TMC7: variants seen among roughly 807,000 people sequenced by gnomAD.
The protein encoded by TMC7 is transmembrane channel-like protein 7.
Under a neutral mutation model 82.9 loss-of-function variants are expected in TMC7, and 54 were observed. The ratio of observed to expected loss-of-function variants is 0.65; its 90% confidence interval spans 0.52 to 0.82. TMC7 has a LOEUF of 0.82. TMC7 is among the 40% of genes least tolerant of loss of function. The pLI is 0.00. For synonymous variants in TMC7, 350 were observed against 337.9 expected (o/e 1.04, Z -0.39); for missense variants, 820 against 901.2 (o/e 0.91, Z 1.15).
intron 2 of TMC7, among the ~76,000 whole-genome samples, chr16:19,010,313 C>G (rs1014080221): frequency 3.3e-5 from 5 of 151,900 alleles, no homozygotes; most frequent in Non-Finnish European, 7.4e-5. Flanking sequence ...TGCCACCATG[C>G]CCAGCTAATT....
intron 11 of TMC7, among the ~76,000 whole-genome samples, chr16:19,046,317 C>T (rs1384893803): frequency 6.6e-6 from 1 of 152,152 alleles, no homozygotes; most frequent in African/African-American, 2.4e-5. Context: ...AGTAGTAGTA[C>T]CCACCCAGTA....
intron 12 of TMC7, among the ~76,000 whole-genome samples, chr16:19,050,291 C>T (rs989041085): frequency 3.1e-4 from 40 of 130,210 alleles, no homozygotes; most frequent in South Asian, 1.1e-3. Context: ...GGCATGAATC[C>T]GGGAGGCGGA....
rs745404089 is a variant in TMC7, at chr16:19,009,216, A to G, written c.112A>G (p.Asn38Asp). ...DSSCFSSPPV[N>D]FLQELPSYRS... ...CAGTTGCTTCTCTTCTCCACCTGTGAACTTCCTCCAAGAATTGCCAAGCTA... is the reference window on the plus strand; with the variant it reads ...CAGTTGCTTCTCTTCTCCACCTGTGGACTTCCTCCAAGAATTGCCAAGCTA... Residue 38 changes from asparagine (N) to aspartate (D), a missense_variant, in exon 2 of 16, where the codon AAC becomes GAC. Physicochemically the swap from Asn to Asp is conservative, Grantham distance 23. Transcript: ENST00000304381. 1 of 1,614,158 alleles carries G rather than the reference A, an allele frequency of 6.2e-7. No individual in the cohort carries two copies. The highest frequency in any genetic ancestry group is 8.5e-7 in the Non-Finnish European group (1 of 1,180,034).
intron 1 of TMC7, among the ~76,000 whole-genome samples, chr16:18,996,032 G>A (rs2039038523): frequency 6.6e-6 from 1 of 152,124 alleles, no homozygotes. Context: ...CTTGCCTTTA[G>A]CTCCAGCCAC....
At position 19,009,898 on chromosome 16, in the gene TMC7, G is replaced by A. The variant is rs570736310; in HGVS notation, c.311+483G>A. Among the ~76,000 whole-genome samples the A allele has an allele frequency of 1.1e-4, 16 of 141,306 alleles. No homozygotes were observed. The East Asian group carries it at 2.0e-3, about 18-fold the overall frequency. 92.7% of individuals were successfully genotyped at this position (141,306 alleles called of 152,430 possible). ...AGAGCTTGCAGTGAGCCGAGATTGC[G>A]CCACTGCACTCCAGCCTGGGGAACA... On this transcript the variant is annotated intron_variant, in intron 2 of 15. Coordinates refer to ENST00000304381, the MANE Select transcript of TMC7 (RefSeq NM_024847.4).
intron 2 of TMC7, among the ~76,000 whole-genome samples, chr16:19,013,768 C>T (rs751254715): frequency 6.6e-6 from 1 of 151,856 alleles, no homozygotes; most frequent in Non-Finnish European, 1.5e-5. Context: ...ATCCATCTGC[C>T]TTGGCCTCCC....
intron 8 of TMC7, among the ~76,000 whole-genome samples, chr16:19,039,685 T>G (rs1376649377): frequency 1.3e-5 from 2 of 152,126 alleles, no homozygotes; most frequent in African/African-American, 2.4e-5. Flanking sequence ...ATCAAATCAA[T>G]TCTACACCCT....
intron 5 of TMC7, among the ~76,000 whole-genome samples, chr16:19,026,501 T>C (rs1371521988): frequency 1.3e-5 from 2 of 151,254 alleles, no homozygotes; most frequent in Non-Finnish European, 2.9e-5. Flanking sequence ...GAAAGCAAAG[T>C]TAGGATCAAA....
intron 1 of TMC7, among the ~76,000 whole-genome samples, chr16:18,993,335 G>A (rs957548632): frequency 1.9e-4 from 29 of 152,164 alleles, no homozygotes; most frequent in African/African-American, 7.0e-4. Flanking sequence ...AGTTTTAAGA[G>A]GTGGGCTAAC....
chr16:18,998,976 A>T (rs1287939863), intron 1 of TMC7, among the ~76,000 whole-genome samples: 2 of 152,136 alleles, frequency 1.3e-5, no homozygotes, highest in Non-Finnish European at 1.5e-5. Context: ...GGAGGCTACC[A>T]GGGCCTCTGG....
intron 15 of TMC7, 79 bp downstream of exon 15, chr16:19,059,573 G>A (rs890243796): frequency 2.5e-6 from 4 of 1,613,180 alleles, no homozygotes; most frequent in Non-Finnish European, 3.4e-6. Context: ...GTTTTCCTGG[G>A]AGGGAGTGAA....
rs571286201 is a variant in TMC7 at position 19,061,165 on chromosome 16, G to A, written c.2107-613G>A. Among the ~76,000 whole-genome samples the A allele has an allele frequency of 3.9e-5, 6 of 152,108 alleles. No homozygotes were observed. The South Asian group carries it at 1.2e-3, about 32-fold the overall frequency. Reference sequence around the variant, plus strand: ...ATTACAGGCACCTGCCACCACGCCCGGCTAATTTTTTGTATTTTTAGTAGA... The same window carrying A: ...ATTACAGGCACCTGCCACCACGCCCAGCTAATTTTTTGTATTTTTAGTAGA... On this transcript the variant is annotated intron_variant, in intron 15 of 15. Transcript: ENST00000304381.
chr16:19,004,770 C>CT (rs760538849), intron 1 of TMC7, among the ~76,000 whole-genome samples: 58 of 152,280 alleles, frequency 3.8e-4, no homozygotes, highest in Non-Finnish European at 6.6e-4. Context: ...TGATGGGTTC[C>CT]TAGTTCCAAC....
intron 1 of TMC7, among the ~76,000 whole-genome samples, chr16:19,006,779 A>G (rs1012949452): frequency 3.9e-5 from 6 of 152,110 alleles, no homozygotes; most frequent in Admixed American, 1.3e-4. Flanking sequence ...CATCATGGCG[A>G]TGCCTGGTGA....
intron 13 of TMC7, among the ~76,000 whole-genome samples, chr16:19,052,701 C>T (rs1490698509): frequency 1.3e-5 from 2 of 150,472 alleles, no homozygotes; most frequent in Non-Finnish European, 3.0e-5. Context: ...ACTTTGAGTC[C>T]CTCTCTCAGA....
At chr16:19,022,766 C>T (rs1402147296) in intron 4 of TMC7, among the ~76,000 whole-genome samples, 10 of 152,328 alleles carry the variant, frequency 6.6e-5, no homozygotes, top group African/African-American at 1.9e-4. Flanking sequence ...CGGGGGCTCA[C>T]GCCTGTAATC....
In TMC7 at chr16:19,031,411, A is replaced by AG. The variant is rs759949812; in HGVS notation, c.857+1045dup. ...TTTTCCTGTGGGAGACAAGTGGTTTAGGGAGAGAGAGCAATTCCCAAGAAA... is the reference window on the plus strand; with the variant it reads ...TTTTCCTGTGGGAGACAAGTGGTTTAGGGGAGAGAGAGCAATTCCCAAGAAA... On this transcript the variant is annotated intron_variant, in intron 6 of 15. Coordinates refer to ENST00000304381, the MANE Select transcript of TMC7 (RefSeq NM_024847.4). 1.2e-4 allele frequency among the ~76,000 whole-genome samples: 19 copies of AG among 152,328 alleles called. 1 individual carries two copies. The South Asian group carries it at 1.5e-3, about 12-fold the overall frequency.
Position 18,983,980 on chromosome 16 carries a change from C to T in TMC7, c.-84C>T. 2.3e-6 allele frequency: 3 copies of T among 1,307,092 alleles called. No individual in the cohort carries two copies. Among genetic ancestry groups the T allele is most frequent in the Non-Finnish European group, 2.9e-6 (3 of 1,022,944 alleles). The allele number at this position is 1,307,092 out of a possible 1,614,324, so 81.0% of individuals were successfully genotyped here. A position where few individuals can be genotyped will look rare whatever the true frequency, so the allele number is the denominator to read the frequency against. Reference sequence around the variant, plus strand: ...GCGCCGGAACCTGGAATCCCGGCTCCGCGAGGGAAGGCCGGGGAGGCGGCG... The same window carrying T: ...GCGCCGGAACCTGGAATCCCGGCTCTGCGAGGGAAGGCCGGGGAGGCGGCG... On this transcript the variant is annotated 5_prime_UTR_variant, in exon 1 of 16. Transcript: ENST00000304381.
intron 14 of TMC7, among the ~76,000 whole-genome samples, chr16:19,057,123 A>C (rs752454167): frequency 5.3e-5 from 8 of 152,152 alleles, no homozygotes; most frequent in Non-Finnish European, 8.8e-5. Flanking sequence ...TGGGTGACAG[A>C]ATAAGACCCT....
Sources: allele counts gnomAD v4.1 joint callset (sites outside exome capture counted in the v4.1 genomes callset), GRCh38; gene constraint gnomAD v4.1.1; transcripts MANE v1.5; gene names NCBI Gene and HGNC (gene_info 2026-07-23, HGNC 2026-07-21).